Variants in TNRC6B observed in about 807,000 individuals in gnomAD.
The protein encoded by TNRC6B is trinucleotide repeat-containing gene 6B protein.
Under a neutral mutation model 203.6 loss-of-function variants are expected in TNRC6B, and 52 were observed. The ratio of observed to expected loss-of-function variants is 0.26; its 90% CI spans 0.20 to 0.32. TNRC6B has a LOEUF of 0.32. Among genes scored for constraint, TNRC6B ranks in the 10% least tolerant of loss-of-function variants. The pLI, the probability that TNRC6B is intolerant of heterozygous loss-of-function variation, is 1.00. For synonymous variants in TNRC6B, 838 were observed against 845.7 expected (o/e 0.99, Z 0.16); for missense variants, 1,923 against 2,286.2 (o/e 0.84, Z 3.24).
chr22:40,136,024 CGTAGGTGAGGAA>C (rs899817466), intron 3 of TNRC6B, among the ~76,000 whole-genome samples: 3 of 152,138 alleles, frequency 2.0e-5, no homozygotes, highest in African/African-American at 7.2e-5. Flanking sequence ...GAGCAAGAAC[CGTAGGTGAGGAA>C]GTAGATCCCA....
chr22:40,218,049 T>G (rs2146431214), intron 1 of TNRC6B, among the ~76,000 whole-genome samples: 1 of 152,074 alleles, frequency 6.6e-6, no homozygotes, highest in African/African-American at 2.4e-5. Flanking sequence ...CAAAACCTAT[T>G]TGTCTCAGTG....
chr22:40,166,933 A>T (rs1426609775), intron 4 of TNRC6B, among the ~76,000 whole-genome samples: 1 of 151,566 alleles, frequency 6.6e-6, no homozygotes. Context: ...CAATTTTGGG[A>T]AAACCTCTAT....
intron 1 of TNRC6B, among the ~76,000 whole-genome samples, chr22:40,075,156 A>ATTTTTTTTTT (rs58240994): frequency 1.4e-4 from 5 of 35,556 alleles, no homozygotes; most frequent in Admixed American, 4.9e-4. Context: ...ATATATATAT[A>ATTTTTTTTTT]TTTTTTTTTT....
At chr22:40,051,089 C>T (rs1044831118) in intron 1 of TNRC6B, among the ~76,000 whole-genome samples, 15 of 152,158 alleles carry the variant, frequency 9.9e-5, no homozygotes, top group Non-Finnish European at 1.9e-4. Context: ...TCCCAAAGTG[C>T]TGGGATTACA....
chr22:40,186,866 G>GT lies in TNRC6B; in HGVS notation c.5+8734dup, dbSNP rs985265586. ...TTAAAATGTTAACGCAACATTTTAC[G>GT]TTTTTTTTGTACCAAGACTTTGAAA... On this transcript the variant is annotated intron_variant, in intron 1 of 22. Coordinates refer to ENST00000454349, the MANE Select transcript of TNRC6B (RefSeq NM_001162501.2). Among the ~76,000 whole-genome samples the GT allele has an allele frequency of 8.3e-4, 126 of 151,522 alleles. 1 individual carries two copies. The highest frequency in any genetic ancestry group is 2.7e-3 in the African/African-American group (111 of 41,352).
chr22:40,059,833 TTTC>T (rs1196388120), intron 1 of TNRC6B, among the ~76,000 whole-genome samples: 22 of 148,078 alleles, frequency 1.5e-4, no homozygotes, highest in African/African-American at 5.4e-4. Context: ...TTTTTTTTTT[TTTC>T]CCCCCGAGAC....
intron 1 of TNRC6B, among the ~76,000 whole-genome samples, chr22:40,192,093 C>T (rs1285573394): frequency 6.6e-6 from 1 of 152,162 alleles, no homozygotes; most frequent in Admixed American, 6.5e-5. Flanking sequence ...CTCCTGACCT[C>T]AAGTGATTTT....
At chr22:40,276,751 G>A (rs1347804967) in intron 7 of TNRC6B, 1 of 189,962 alleles carries the variant, frequency 5.3e-6, no homozygotes, top group Admixed American at 6.1e-5. Flanking sequence ...GCAGCCTAAT[G>A]AAAGTGAAAG....
At chr22:40,321,003 G>A (rs1226529199) in intron 21 of TNRC6B, 87 bp from the exon 22 acceptor site, 2 of 1,505,206 alleles carry the variant, frequency 1.3e-6, no homozygotes, top group East Asian at 2.3e-5. Flanking sequence ...GGGCACACTA[G>A]GTCTCAGCCA....
intron 1 of TNRC6B, among the ~76,000 whole-genome samples, chr22:40,231,426 A>G (rs1186446312): frequency 1.3e-5 from 2 of 152,026 alleles, no homozygotes; most frequent in Admixed American, 1.3e-4. Flanking sequence ...TTCTATCCGC[A>G]ATGTTTTGTA....
At chr22:40,171,810 T>G (rs1223141480) in intron 4 of TNRC6B, among the ~76,000 whole-genome samples, 3 of 152,178 alleles carry the variant, frequency 2.0e-5, no homozygotes, top group African/African-American at 7.2e-5. Context: ...TCCCAGGTCC[T>G]AGCCTCCTGA....
intron 1 of TNRC6B, among the ~76,000 whole-genome samples, chr22:40,046,740 G>C (rs2067691385): frequency 6.6e-6 from 1 of 151,340 alleles, no homozygotes; most frequent in Non-Finnish European, 1.5e-5. Context: ...CGCCTCCCGG[G>C]TTCACACCAT....
intron 1 of TNRC6B, among the ~76,000 whole-genome samples, chr22:40,085,322 TCC>T: frequency 6.6e-6 from 1 of 152,220 alleles, no homozygotes; most frequent in Non-Finnish European, 1.5e-5. Flanking sequence ...AAAATGTAAT[TCC>T]TTAATATTAC....
intron 4 of TNRC6B, among the ~76,000 whole-genome samples, chr22:40,170,914 T>C (rs1401967372): frequency 1.4e-5 from 2 of 143,128 alleles, no homozygotes; most frequent in African/African-American, 5.1e-5. Flanking sequence ...TGTGCATATA[T>C]GTGTGTATAT....
At chr22:40,182,754 G>C (rs2069150336) in intron 1 of TNRC6B, among the ~76,000 whole-genome samples, 1 of 152,188 alleles carries the variant, frequency 6.6e-6, no homozygotes, top group Non-Finnish European at 1.5e-5. Context: ...CAGGGAATGA[G>C]TGGTAATTTT....
chr22:40,075,156 A>ATATATATATATATTTTTTTTTTTT, intron 1 of TNRC6B, among the ~76,000 whole-genome samples: 1 of 35,568 alleles, frequency 2.8e-5, no homozygotes, highest in Non-Finnish European at 5.2e-5. Flanking sequence ...ATATATATAT[A>ATATATATATATATTTTTTTTTTTT]TTTTTTTTTT....
At chr22:40,148,283 CTTT>C (rs907310952) in intron 3 of TNRC6B, among the ~76,000 whole-genome samples, 10 of 128,760 alleles carry the variant, frequency 7.8e-5, no homozygotes, top group South Asian at 2.5e-4. Context: ...AAAACAGTTT[CTTT>C]TTTTTTTTTT....
chr22:40,079,074 CAA>C (rs551541709), intron 1 of TNRC6B, among the ~76,000 whole-genome samples: 1 of 140,758 alleles, frequency 7.1e-6, no homozygotes, highest in Non-Finnish European at 1.5e-5. Context: ...AACTCTGTCT[CAA>C]AAAAAAAAAG....
intron 1 of TNRC6B, among the ~76,000 whole-genome samples, chr22:40,203,464 A>G (rs1454697099): frequency 6.6e-6 from 1 of 152,042 alleles, no homozygotes; most frequent in Non-Finnish European, 1.5e-5. Context: ...AAATGTACAA[A>G]TTTTGTACAT....
Sources: allele counts gnomAD v4.1 joint callset (sites outside exome capture counted in the v4.1 genomes callset), GRCh38; gene constraint gnomAD v4.1.1; transcripts MANE v1.5; gene names NCBI Gene and HGNC (gene_info 2026-07-23, HGNC 2026-07-21).